Variants in ERI3 observed in about 807,000 individuals in gnomAD.
ERI3 encodes ERI1 exoribonuclease 3.
ERI3 carries 18 observed loss-of-function variants against 44.4 expected under a neutral mutation model. The ratio of observed to expected loss-of-function variants is 0.41; its 90% CI spans 0.28 to 0.60. The LOEUF (loss-of-function observed/expected upper bound fraction) is 0.60, where lower values mean the gene tolerates loss of function less well. Ranked by LOEUF, ERI3 falls within the 20% of genes least tolerant of loss-of-function variation. The probability of loss-of-function intolerance (pLI) is 0.36; values close to 1 mark genes in which losing one functional copy is unlikely to be tolerated. For synonymous variants in ERI3, 183 were observed against 164.8 expected, an observed-to-expected ratio of 1.11 and a Z score of -0.84; for missense variants, 294 against 435.5, an observed-to-expected ratio of 0.68 and a Z score of 2.89.
At chr1:44,336,763 C>T (rs1646543415) in intron 3 of ERI3, among the ~76,000 whole-genome samples, 1 of 152,236 alleles carries the variant, frequency 6.6e-6, no homozygotes, top group Admixed American at 6.5e-5. Flanking sequence ...TGCTTCTTCC[C>T]GAGTTCTCTA....
At chr1:44,265,673 T>C (rs536407199) in intron 7 of ERI3, among the ~76,000 whole-genome samples, 1 of 151,790 alleles carries the variant, frequency 6.6e-6, no homozygotes, top group South Asian at 2.1e-4. Context: ...AAAGTGGTAC[T>C]ATCTATACAA....
chr1:44,346,073 T>C (rs1480034853), intron 2 of ERI3, among the ~76,000 whole-genome samples: 2 of 152,206 alleles, frequency 1.3e-5, no homozygotes, highest in African/African-American at 2.4e-5. Flanking sequence ...AAGCTCCACA[T>C]GGTCCCAATG....
intron 6 of ERI3, among the ~76,000 whole-genome samples, chr1:44,304,654 A>G (rs1160320601): frequency 6.6e-6 from 1 of 152,134 alleles, no homozygotes; most frequent in African/African-American, 2.4e-5. Context: ...CACTCCAGGT[A>G]GCAGCAGTCT....
chr1:44,305,478 T>A (rs1285085017), intron 6 of ERI3, among the ~76,000 whole-genome samples: 3 of 152,150 alleles, frequency 2.0e-5, no homozygotes, highest in African/African-American at 7.2e-5. Context: ...CCACAACAAG[T>A]GTTGTTTCTT....
intron 7 of ERI3, among the ~76,000 whole-genome samples, chr1:44,280,065 T>A (rs908706075): frequency 1.3e-5 from 2 of 152,222 alleles, no homozygotes; most frequent in Non-Finnish European, 2.9e-5. Flanking sequence ...ATTTTCCATC[T>A]GATTTCAGAT....
chr1:44,331,710 C>T (rs1284263149), intron 3 of ERI3, among the ~76,000 whole-genome samples: 3 of 152,206 alleles, frequency 2.0e-5, no homozygotes, highest in Admixed American at 6.5e-5. Flanking sequence ...TTTCTACAAA[C>T]AAGCCTGTAA....
chr1:44,223,906 A>G (rs1166520431), intron 8 of ERI3, among the ~76,000 whole-genome samples: 2 of 152,208 alleles, frequency 1.3e-5, no homozygotes, highest in African/African-American at 4.8e-5. Flanking sequence ...CATAGGCTCT[A>G]CACCACATAT....
chr1:44,354,568 T>G, intron 1 of ERI3: 2 of 985,412 alleles, frequency 2.0e-6, no homozygotes, highest in Non-Finnish European at 2.4e-6. Flanking sequence ...ACTGCTAACC[T>G]GGTGTGTGGG....
At chr1:44,327,918 C>T (rs1196689503) in intron 3 of ERI3, among the ~76,000 whole-genome samples, 1 of 152,194 alleles carries the variant, frequency 6.6e-6, no homozygotes, top group African/African-American at 2.4e-5. Context: ...CGGTGAGTAA[C>T]AAGTGATCAA....
chr1:44,315,163 G>C (rs1646060295), intron 4 of ERI3, among the ~76,000 whole-genome samples: 2 of 152,212 alleles, frequency 1.3e-5, no homozygotes, highest in South Asian at 4.1e-4. Flanking sequence ...GGAAGCTCCA[G>C]GGTCCAAATG....
intron 7 of ERI3, among the ~76,000 whole-genome samples, chr1:44,264,696 G>A (rs1196120280): frequency 6.6e-6 from 1 of 152,116 alleles, no homozygotes; most frequent in Non-Finnish European, 1.5e-5. Context: ...AGGAAGGGGG[G>A]GCAGCCACCA....
chr1:44,255,200 A>G (rs1644756877), intron 7 of ERI3, among the ~76,000 whole-genome samples: 2 of 152,134 alleles, frequency 1.3e-5, no homozygotes, highest in African/African-American at 2.4e-5. Context: ...TTCTCCTGTT[A>G]ACGACCAACT....
chr1:44,251,117 T>C (rs1644669938), intron 7 of ERI3, among the ~76,000 whole-genome samples: 2 of 152,166 alleles, frequency 1.3e-5, no homozygotes, highest in South Asian at 2.1e-4. Context: ...CCACAAAACA[T>C]AGGTGGTCCC....
At chr1:44,223,048 T>A (rs1344980220) in intron 8 of ERI3, among the ~76,000 whole-genome samples, 2 of 152,160 alleles carry the variant, frequency 1.3e-5, no homozygotes, top group Non-Finnish European at 2.9e-5. Flanking sequence ...GGCAGGCAAG[T>A]CAGACAGGGT....
Position 44,354,962 on chromosome 1 carries a change from G to C in ERI3, c.65C>G (p.Ser22Cys). 1 of 1,346,984 alleles carries C rather than the reference G, an allele frequency of 7.4e-7. No individual in the cohort carries two copies. Among genetic ancestry groups the C allele is most frequent in the Non-Finnish European group, 9.6e-7 (1 of 1,042,206 alleles). 83.4% of individuals were successfully genotyped at this position (1,346,984 alleles called of 1,614,324 possible). A position where few individuals can be genotyped will look rare whatever the true frequency, so the allele number is the denominator to read the frequency against. ...RGRPWEGGLVSWPPAPPLTLP... is the reference protein window; with the variant it reads ...RGRPWEGGLVCWPPAPPLTLP... ...AGTAAGGGGAGGGGCGGGGGGCCAG[G>C]AGACCAGCCCTCCTTCCCAGGGCCG... Residue 22 changes from serine to cysteine, a missense_variant, in exon 1 of 9, where the codon TCC becomes TGC. By Grantham distance (112) the Ser-to-Cys change is moderately radical. Coordinates refer to ENST00000372257, the MANE Select transcript of ERI3 (RefSeq NM_024066.3).
rs188542973 is a variant in ERI3 at position 44,231,181 on chromosome 1, T to A, written c.932-9541A>T. ...CGGCGACCCATCACATGAGGTCAGG[T>A]GTGGAATTTTCCACTTGTGGTATCA... On this transcript the variant is annotated intron_variant, in intron 8 of 8. Transcript: ENST00000372257. Among the ~76,000 whole-genome samples, 864 of 152,344 alleles carry A rather than the reference T, an allele frequency of 5.7e-3. 4 individuals carry two copies. Among genetic ancestry groups the A allele is most frequent in the Non-Finnish European group, 9.5e-3 (645 of 68,030 alleles).
chr1:44,339,128 C>T lies in ERI3; in HGVS notation c.406G>A (p.Val136Met). Residue 136 changes from valine (V) to methionine (M), a missense_variant, in exon 3 of 9, where the codon GTG (valine) becomes ATG (methionine). Transcript: ENST00000372257. Reference protein sequence around the residue: ...HGFGASMAAMVSFPPQRYHYF... With the variant: ...HGFGASMAAMMSFPPQRYHYF... Reference sequence around the variant, plus strand: ...TGATACCTCTGGGGAGGGAAGGACACCATTGCCGCCATGGATGCGCCAAAG... The same window carrying T: ...TGATACCTCTGGGGAGGGAAGGACATCATTGCCGCCATGGATGCGCCAAAG... 1 of 1,614,056 alleles carries T rather than the reference C, an allele frequency of 6.2e-7. No individual in the cohort carries two copies. The highest frequency in any genetic ancestry group is 8.5e-7 in the Non-Finnish European group (1 of 1,180,014).
intron 5 of ERI3, among the ~76,000 whole-genome samples, chr1:44,310,963 GCACACACACACACA>G (rs58344074): frequency 0.017 from 2,141 of 123,264 alleles, 92 homozygotes; most frequent in South Asian, 0.067. Context: ...GCGCGCGCGC[GCACACACACACACA>G]CACACACACA....
chr1:44,333,677 G>A (rs1348148695), intron 3 of ERI3, among the ~76,000 whole-genome samples: 2 of 152,226 alleles, frequency 1.3e-5, no homozygotes, highest in African/African-American at 4.8e-5. Context: ...AGTTTGCTTT[G>A]TAGGGATCTT....
Sources: gnomAD v4.1 joint callset for allele counts (sites outside exome capture counted in the v4.1 genomes callset) on GRCh38, gnomAD v4.1.1 for gene constraint, MANE v1.5 for transcripts, NCBI Gene and HGNC (gene_info 2026-07-23, HGNC 2026-07-21) for gene names.